The following ETV6 variants were observed in gnomAD, a reference collection of about 807,000 sequenced individuals.
ETV6 encodes the protein transcription factor ETV6.
In ETV6, 16 loss-of-function variants were observed where a neutral mutation model predicts 51.1. That is an observed-to-expected ratio of 0.31 (90% CI 0.21 to 0.48). ETV6 has a LOEUF of 0.48. Among genes scored for constraint, ETV6 ranks in the 20% least tolerant of loss-of-function variants. The pLI is 0.99. For missense variants in ETV6, 458 were observed against 594.8 expected, an observed-to-expected ratio of 0.77 and a Z score of 2.39; for synonymous variants, 240 against 224.1, an observed-to-expected ratio of 1.07 and a Z score of -0.64.
At chr12:11,675,734 A>C (rs891890983) in intron 1 of ETV6, among the ~76,000 whole-genome samples, 2 of 152,112 alleles carry the variant, frequency 1.3e-5, no homozygotes, top group Non-Finnish European at 2.9e-5. Context: ...GGATCCCCTG[A>C]GTCTAGGAGT....
intron 2 of ETV6, among the ~76,000 whole-genome samples, chr12:11,789,965 GTCC>G (rs1219180160): frequency 6.6e-6 from 1 of 152,054 alleles, no homozygotes; most frequent in Non-Finnish European, 1.5e-5. Context: ...TCTGGGAACT[GTCC>G]TCCTGTTTTC....
intron 2 of ETV6, among the ~76,000 whole-genome samples, chr12:11,762,534 A>G (rs1016895005): frequency 1.4e-4 from 21 of 152,210 alleles, no homozygotes; most frequent in African/African-American, 5.1e-4. Flanking sequence ...GCACATGCAC[A>G]ATTAATACTG....
At chr12:11,749,289 A>C (rs1865969105) in intron 1 of ETV6, among the ~76,000 whole-genome samples, 5 of 3,384 alleles carry the variant, frequency 1.5e-3, no homozygotes, top group African/African-American at 4.9e-3. Flanking sequence ...TCCCCCCCAT[A>C]CACACACACA....
chr12:11,891,224 C>T lies in ETV6; in HGVS notation c.*178C>T. The T allele has an allele frequency of 1.8e-6, 1 of 553,880 alleles. No individual in the cohort carries two copies. Among genetic ancestry groups the T allele is most frequent in the Non-Finnish European group, 3.2e-6 (1 of 310,386 alleles). 34.3% of individuals were successfully genotyped at this position (553,880 alleles called of 1,614,324 possible). On this transcript the variant is annotated 3_prime_UTR_variant, in exon 8 of 8. Transcript: ENST00000396373. ...ACCCTGGAGCACCTTAGACAAACTA[C>T]CCAGCACAGGCGGGGCTGGAATTCT...
intron 1 of ETV6, among the ~76,000 whole-genome samples, chr12:11,734,087 T>C (rs922122897): frequency 1.6e-4 from 25 of 152,214 alleles, no homozygotes; most frequent in Non-Finnish European, 3.2e-4. Context: ...GCTACTTCTA[T>C]TGCAGCATCT....
At chr12:11,762,167 G>A (rs1041380859) in intron 2 of ETV6, among the ~76,000 whole-genome samples, 2 of 152,162 alleles carry the variant, frequency 1.3e-5, no homozygotes, top group East Asian at 3.9e-4. Flanking sequence ...GGCTTCTAAA[G>A]ACTGTCCCTG....
intron 4 of ETV6, among the ~76,000 whole-genome samples, chr12:11,862,675 A>G (rs1025919770): frequency 6.6e-6 from 1 of 152,154 alleles, no homozygotes; most frequent in Non-Finnish European, 1.5e-5. Flanking sequence ...TTATAAAGAC[A>G]CCAGTCATAT....
At chr12:11,825,655 T>C (rs1234269238) in intron 2 of ETV6, 1 of 152,216 alleles carries the variant, frequency 6.6e-6, no homozygotes, top group Non-Finnish European at 1.5e-5. Flanking sequence ...TTCTGGGGAT[T>C]AGGACACGGA....
chr12:11,835,933 C>G (rs1235863819), intron 2 of ETV6, among the ~76,000 whole-genome samples: 1 of 152,194 alleles, frequency 6.6e-6, no homozygotes, highest in Non-Finnish European at 1.5e-5. Flanking sequence ...CCCTTAAATG[C>G]GTTGGGCCTC....
chr12:11,894,523 A>G lies in ETV6; in HGVS notation c.*3477A>G, dbSNP rs1192893200. The G allele has an allele frequency of 4.3e-6, 1 of 233,098 alleles. No individual in the cohort carries two copies. Among genetic ancestry groups the G allele is most frequent in the East Asian group, 6.0e-5 (1 of 16,598 alleles). 14.4% of individuals were successfully genotyped at this position (233,098 alleles called of 1,614,324 possible). The stretch of plus-strand genomic sequence containing the variant: ...CCCCACAGAAAAAGAGGAATAATAG[A>G]CCAATGGATTTTCTCCTTTCACCAG... On this transcript the variant is annotated 3_prime_UTR_variant, in exon 8 of 8. Transcript: ENST00000396373.
chr12:11,815,872 A>C (rs1054108596), intron 2 of ETV6, among the ~76,000 whole-genome samples: 4 of 152,174 alleles, frequency 2.6e-5, no homozygotes, highest in Non-Finnish European at 4.4e-5. Flanking sequence ...TAAAACTCAA[A>C]AATGATACAG....
At chr12:11,867,131 C>T (rs1191429934) in intron 4 of ETV6, among the ~76,000 whole-genome samples, 2 of 152,178 alleles carry the variant, frequency 1.3e-5, no homozygotes, top group Non-Finnish European at 2.9e-5. Flanking sequence ...GCCCTTGATA[C>T]CTTCAAATAG....
intron 2 of ETV6, among the ~76,000 whole-genome samples, chr12:11,778,138 C>G (rs1945359396): frequency 6.6e-6 from 1 of 152,232 alleles, no homozygotes; most frequent in South Asian, 2.1e-4. Flanking sequence ...CTAGATGTCT[C>G]AGGGTCGCAG....
intron 2 of ETV6, among the ~76,000 whole-genome samples, chr12:11,783,702 C>T (rs1305268352): frequency 6.6e-6 from 1 of 152,130 alleles, no homozygotes; most frequent in Non-Finnish European, 1.5e-5. Flanking sequence ...GGTATTATTT[C>T]ATTTTCAATG....
chr12:11,891,763 T>C lies in ETV6; in HGVS notation c.*717T>C. 2.6e-6 allele frequency: 1 copy of C among 383,996 alleles called. No individual in the cohort carries two copies. The highest frequency in any genetic ancestry group is 4.4e-5 in the East Asian group (1 of 22,872). 23.8% of individuals were successfully genotyped at this position (383,996 alleles called of 1,614,324 possible). A position where few individuals can be genotyped will look rare whatever the true frequency, so the allele number is the denominator to read the frequency against. ...TCAGCCTCTTGGAGAGTCTTGGGGA[T>C]TGTTGGCACCTAAACAGAATCAGTG... On this transcript the variant is annotated 3_prime_UTR_variant, in exon 8 of 8. Transcript: ENST00000396373.
At chr12:11,676,129 T>A (rs1039603439) in intron 1 of ETV6, among the ~76,000 whole-genome samples, 3 of 152,216 alleles carry the variant, frequency 2.0e-5, no homozygotes, top group Non-Finnish European at 2.9e-5. Context: ...GGGCCCTGCC[T>A]GGCTGATGGC....
At position 11,826,980 on chromosome 12, in the gene ETV6, T is replaced by C. The variant is rs1364974890; in HGVS notation, c.164-12160T>C. Among the ~76,000 whole-genome samples, 3 of 151,846 alleles carry C rather than the reference T, an allele frequency of 2.0e-5. No individual in the cohort carries two copies. The East Asian group carries it at 5.8e-4, about 29-fold the overall frequency. On this transcript the variant is annotated intron_variant, in intron 2 of 7. Coordinates refer to ENST00000396373, the MANE Select transcript of ETV6 (RefSeq NM_001987.5). ...AGAAAAAAGATTACAGCTTTTTTATTGATAGGTCTATAAAAGCCATTTCCG... is the reference window on the plus strand; with the variant it reads ...AGAAAAAAGATTACAGCTTTTTTATCGATAGGTCTATAAAAGCCATTTCCG...
At chr12:11,786,403 A>G (rs1047119230) in intron 2 of ETV6, among the ~76,000 whole-genome samples, 6 of 152,168 alleles carry the variant, frequency 3.9e-5, no homozygotes, top group South Asian at 2.1e-4. Context: ...ATGAAATATA[A>G]TAACTGGAAA....
intron 7 of ETV6, among the ~76,000 whole-genome samples, chr12:11,886,688 ATGAGTTCCAACCAAG>A (rs1360354210): frequency 6.6e-6 from 1 of 152,216 alleles, no homozygotes; most frequent in Non-Finnish European, 1.5e-5. Context: ...CTCATAGATA[ATGAGTTCCAACCAAG>A]TTAGCCTGCC....
Sources: gnomAD v4.1 joint callset for allele counts (sites outside exome capture counted in the v4.1 genomes callset) on GRCh38, gnomAD v4.1.1 for gene constraint, MANE v1.5 for transcripts, NCBI Gene and HGNC (gene_info 2026-07-23, HGNC 2026-07-21) for gene names.